The following GABRR3 variants were observed in gnomAD, a reference collection of about 807,000 sequenced individuals.
GABRR3 encodes gamma-aminobutyric acid receptor subunit rho-3.
A neutral mutation model predicts 43.2 loss-of-function variants in GABRR3; 29 were observed. The observed-to-expected ratio is 0.67, with a 90% CI of 0.50 to 0.92. The LOEUF (loss-of-function observed/expected upper bound fraction) is 0.92. Ranked by LOEUF, GABRR3 falls within the 40% of genes least tolerant of loss-of-function variation. The probability of loss-of-function intolerance (pLI) is 0.00; values close to 1 mark genes in which losing one functional copy is unlikely to be tolerated. For synonymous variants in GABRR3, 206 were observed against 195.9 expected (o/e 1.05, Z -0.43); for missense variants, 576 against 572.3 (o/e 1.01, Z -0.07).
At chr3:98,026,023 G>C (rs564745979) in intron 2 of GABRR3, among the ~76,000 whole-genome samples, 1 of 152,268 alleles carries the variant, frequency 6.6e-6, no homozygotes, top group African/African-American at 2.4e-5. Context: ...TCCTGTCCCA[G>C]ATCAACTAAA....
rs746732585 is a variant in GABRR3 at position 98,034,924 on chromosome 3, A to T, written c.64T>A (p.Cys22Ser). The T allele has an allele frequency of 4.3e-6, 7 of 1,613,118 alleles. No homozygotes were observed. In the East Asian group the frequency reaches 1.6e-4, roughly 36 times the overall value. The stretch of plus-strand genomic sequence containing the variant: ...GTCATCTTGATGTTAGAAGCAGCAC[A>T]AACATTTGGTTTCAATATGATCCAG... Residue 22 changes from cysteine to serine, a missense_variant, in exon 2 of 10, where the codon TGT (cysteine) becomes AGT (serine). Transcript: ENST00000621172.
intron 3 of GABRR3, among the ~76,000 whole-genome samples, chr3:98,020,549 C>T (rs571980676): frequency 3.3e-5 from 5 of 151,142 alleles, no homozygotes; most frequent in East Asian, 1.9e-4. Context: ...GCAGCTAGTA[C>T]CTCATGATTT....
At chr3:98,026,382 G>A (rs1201632622) in intron 2 of GABRR3, among the ~76,000 whole-genome samples, 1 of 152,094 alleles carries the variant, frequency 6.6e-6, no homozygotes, top group Non-Finnish European at 1.5e-5. Flanking sequence ...GGCCCTAGGT[G>A]TCCTGACTGG....
At chr3:98,004,944 G>A (rs1342442837) in intron 7 of GABRR3, among the ~76,000 whole-genome samples, 2 of 152,028 alleles carry the variant, frequency 1.3e-5, no homozygotes, top group South Asian at 2.1e-4. Context: ...CGTGGATAAT[G>A]TGAGGCAGAG....
intron 9 of GABRR3, among the ~76,000 whole-genome samples, chr3:97,989,599 G>A (rs538524985): frequency 5.9e-5 from 9 of 152,092 alleles, no homozygotes; most frequent in South Asian, 2.1e-4. Flanking sequence ...ACTCCATAGC[G>A]AGGCCTAACA....
intron 4 of GABRR3, among the ~76,000 whole-genome samples, chr3:98,012,929 T>C (rs1036295673): frequency 4.6e-5 from 7 of 152,260 alleles, no homozygotes; most frequent in Admixed American, 4.6e-4. Context: ...CATTATTTTA[T>C]TGTGACTTCC....
At position 97,993,001 on chromosome 3, in the gene GABRR3, C is replaced by T. The variant is rs749225173; in HGVS notation, c.955G>A (p.Ala319Thr). ...AGGTAGGACACCTGGGGCATGGAGG[C>T]GCTCACAGCAGTGATGATTGTGGAC... Residue 319 changes from alanine (A) to threonine (T), a missense_variant, in exon 9 of 10, where the codon GCC becomes ACC. Ala to Thr is a moderately conservative substitution (Grantham distance 58). Transcript: ENST00000621172. The T allele has an allele frequency of 2.1e-5, 34 of 1,612,576 alleles. No homozygotes were observed. The highest frequency in any genetic ancestry group is 8.0e-5 in the African/African-American group (6 of 74,912).
chr3:98,026,070 C>T (rs1707011541), intron 2 of GABRR3, among the ~76,000 whole-genome samples: 1 of 152,194 alleles, frequency 6.6e-6, no homozygotes, highest in South Asian at 2.1e-4. Flanking sequence ...TAATCTGCAC[C>T]TGAACAAGCT....
chr3:98,019,303 C>T (rs549359486), intron 3 of GABRR3, among the ~76,000 whole-genome samples: 62 of 152,256 alleles, frequency 4.1e-4, no homozygotes, highest in African/African-American at 1.4e-3. Flanking sequence ...ATGCATAATA[C>T]TATAGAAACC....
At chr3:97,993,596 C>T (rs1464738667) in intron 8 of GABRR3, among the ~76,000 whole-genome samples, 2 of 152,064 alleles carry the variant, frequency 1.3e-5, no homozygotes, top group Middle Eastern at 3.2e-3. Context: ...TTCTCTTTGT[C>T]GATTGTTAAT....
chr3:98,027,589 G>A (rs182051722), intron 2 of GABRR3, among the ~76,000 whole-genome samples: 12 of 152,364 alleles, frequency 7.9e-5, no homozygotes, highest in Admixed American at 2.6e-4. Flanking sequence ...TTGGCAGCGT[G>A]CGAAAGCACC....
chr3:98,012,284 A>G (rs1423009021), intron 5 of GABRR3, 60 bp downstream of exon 5: 1 of 1,207,348 alleles, frequency 8.3e-7, no homozygotes, highest in African/African-American at 1.5e-5. Context: ...AAGCATCATC[A>G]GCTTTGGTGC....
downstream of GABRR3, among the ~76,000 whole-genome samples, chr3:97,985,105 T>A (rs1475391686): frequency 6.6e-6 from 1 of 152,202 alleles, no homozygotes; most frequent in Non-Finnish European, 1.5e-5. Flanking sequence ...CTGAAAGTAA[T>A]ACACCATTTA....
rs555379542 is a variant in GABRR3, at chr3:98,003,608, A to G, written c.755-1841T>C. ...AAGCCTTCATTTTGGGTAGTACAAT[A>G]AAAAGTCTGATTCTATTTTTGATGT... is the stretch of plus-strand genomic sequence containing the variant. On this transcript the variant is annotated intron_variant, in intron 7 of 9. Transcript: ENST00000621172. Among the ~76,000 whole-genome samples the G allele has an allele frequency of 8.5e-5, 13 of 152,136 alleles. No homozygotes were observed. In the South Asian group the frequency reaches 2.7e-3, roughly 32 times the overall value.
At chr3:98,032,442 C>G (rs376954007) in intron 2 of GABRR3, among the ~76,000 whole-genome samples, 2 of 152,110 alleles carry the variant, frequency 1.3e-5, no homozygotes, top group Non-Finnish European at 2.9e-5. Flanking sequence ...TAGCCCCAAC[C>G]CAGCACTTGC....
chr3:98,009,654 G>A (rs1355206730), intron 5 of GABRR3, among the ~76,000 whole-genome samples: 1 of 152,180 alleles, frequency 6.6e-6, no homozygotes, highest in African/African-American at 2.4e-5. Context: ...TTCAGGCAGA[G>A]GCTGCTGTAC....
intron 9 of GABRR3, among the ~76,000 whole-genome samples, chr3:97,992,648 T>G (rs754143345): frequency 1.3e-5 from 2 of 152,152 alleles, no homozygotes; most frequent in Non-Finnish European, 2.9e-5. Flanking sequence ...AAACTCCTGA[T>G]GAAGGTGAGT....
At chr3:98,008,992 G>A (rs779181380) in exon 6 of GABRR3, 12 of 1,608,068 alleles carry the variant, frequency 7.5e-6, no homozygotes, top group Non-Finnish European at 1.0e-5. Context: ...TGAGTGTCAA[G>A]AGGAAACCTG....
At chr3:98,001,863 G>A (rs961324835) in intron 7 of GABRR3, 96 bp from the exon 8 acceptor site, 2 of 1,345,512 alleles carry the variant, frequency 1.5e-6, no homozygotes, top group African/African-American at 1.5e-5. Flanking sequence ...CCAAGCTCTT[G>A]GGGACACGGA....
Sources: allele counts gnomAD v4.1 joint callset (sites outside exome capture counted in the v4.1 genomes callset), GRCh38; gene constraint gnomAD v4.1.1; transcripts MANE v1.5; gene names NCBI Gene and HGNC (gene_info 2026-07-23, HGNC 2026-07-21).